SH3D19: variants seen among roughly 807,000 people sequenced by gnomAD.
SH3D19 encodes SH3 domain containing 19, also known as SH3 domain-containing protein 19.
SH3D19 carries 58 observed loss-of-function variants against 112.1 expected under a neutral mutation model. The observed-to-expected ratio is 0.52, with a 90% CI of 0.42 to 0.64. SH3D19 has a LOEUF of 0.64. Among genes scored for constraint, SH3D19 ranks in the 30% least tolerant of loss-of-function variants. The pLI is 0.00. For missense variants in SH3D19, 1,090 were observed against 1,263.4 expected (o/e 0.86, Z 2.08); for synonymous variants, 391 against 448.5 (o/e 0.87, Z 1.62).
chr4:151,255,007 C>T (rs1442088490), intron 1 of SH3D19, among the ~76,000 whole-genome samples: 1 of 151,402 alleles, frequency 6.6e-6, no homozygotes, highest in African/African-American at 2.4e-5. Flanking sequence ...GGGCTCCTCA[C>T]TTCCCAGTAG....
At chr4:151,220,761 A>G (rs1349718256) in intron 2 of SH3D19, among the ~76,000 whole-genome samples, 1 of 152,234 alleles carries the variant, frequency 6.6e-6, no homozygotes, top group African/African-American at 2.4e-5. Flanking sequence ...TTTATAATGT[A>G]CTTGAGTGTA....
In SH3D19 at chr4:151,177,186, T is replaced by C. The variant is rs1760081370; in HGVS notation, c.237-231A>G. On this transcript the variant is annotated intron_variant, in intron 4 of 19. Coordinates refer to ENST00000604030, the MANE Select transcript of SH3D19 (RefSeq NM_001378122.1). ...TGACTTTGGCCTCAAAAAGTTAGAG[T>C]TGGACCCTGGGCACACTTGGCTCTG... Among the ~76,000 whole-genome samples the C allele has an allele frequency of 3.9e-5, 6 of 152,164 alleles. No individual in the cohort carries two copies. The South Asian group carries it at 1.2e-3, about 32-fold the overall frequency.
At chr4:151,150,209 ATAT>A (rs1754716540) in intron 9 of SH3D19, among the ~76,000 whole-genome samples, 21 of 40,928 alleles carry the variant, frequency 5.1e-4, no homozygotes, top group African/African-American at 1.2e-3. Context: ...AAAAAAAAAT[ATAT>A]ATATATATAT....
chr4:151,308,049 G>A (rs555790464), intron 1 of SH3D19, among the ~76,000 whole-genome samples: 4 of 152,270 alleles, frequency 2.6e-5, no homozygotes, highest in South Asian at 2.1e-4. Context: ...GGGATTACAG[G>A]CACGGGCCAC....
chr4:151,311,826 T>C (rs1729489988), intron 1 of SH3D19, among the ~76,000 whole-genome samples: 1 of 151,930 alleles, frequency 6.6e-6, no homozygotes, highest in Admixed American at 6.6e-5. Context: ...GGCAACAGAG[T>C]GAGACCCTGT....
intron 2 of SH3D19, among the ~76,000 whole-genome samples, chr4:151,196,181 G>A (rs1278766000): frequency 6.6e-6 from 1 of 152,108 alleles, no homozygotes; most frequent in Admixed American, 6.6e-5. Flanking sequence ...TCAAAGGCAG[G>A]CCCATCAAGG....
intron 2 of SH3D19, among the ~76,000 whole-genome samples, chr4:151,219,836 C>A (rs1203124637): frequency 1.3e-5 from 2 of 152,150 alleles, no homozygotes; most frequent in Non-Finnish European, 2.9e-5. Flanking sequence ...CAGTCTTTTT[C>A]TTCATGGTTT....
intron 1 of SH3D19, among the ~76,000 whole-genome samples, chr4:151,245,182 T>C (rs1214336613): frequency 6.6e-6 from 1 of 150,968 alleles, no homozygotes; most frequent in Non-Finnish European, 1.5e-5. Flanking sequence ...TAATAATAAT[T>C]AAGTTGCTTA....
At chr4:151,295,851 C>G (rs1340825695) in intron 1 of SH3D19, among the ~76,000 whole-genome samples, 1 of 152,094 alleles carries the variant, frequency 6.6e-6, no homozygotes, top group Non-Finnish European at 1.5e-5. Context: ...TCCTGGCCAA[C>G]ATGGTGAAAC....
In SH3D19 at chr4:151,133,913, T is replaced by C. The variant is rs139030868; in HGVS notation, c.2487-677A>G. Among the ~76,000 whole-genome samples the C allele has an allele frequency of 2.1e-3, 313 of 152,278 alleles. 1 individual carries two copies. The highest frequency in any genetic ancestry group is 7.3e-3 in the African/African-American group (305 of 41,564). On this transcript the variant is annotated intron_variant, in intron 15 of 19. Coordinates refer to ENST00000604030, the MANE Select transcript of SH3D19 (RefSeq NM_001378122.1). ...AAATAAGATAAAAGCAGAGATAAAA[T>C]TGTGTCTCTAGAAGGTGTGCTTTAA...
At chr4:151,266,571 G>A (rs1580358889) in intron 1 of SH3D19, among the ~76,000 whole-genome samples, 2 of 152,178 alleles carry the variant, frequency 1.3e-5, no homozygotes, top group Admixed American at 6.5e-5. Context: ...CCCTTAGTGA[G>A]AATAAATATT....
chr4:151,282,677 A>G (rs1156734421), intron 1 of SH3D19, among the ~76,000 whole-genome samples: 1 of 152,228 alleles, frequency 6.6e-6, no homozygotes, highest in Non-Finnish European at 1.5e-5. Flanking sequence ...TCTCTCAAAC[A>G]GAGGTTAATA....
chr4:151,180,469 C>T (rs565770961), intron 3 of SH3D19, among the ~76,000 whole-genome samples: 4 of 142,412 alleles, frequency 2.8e-5, no homozygotes, highest in Admixed American at 7.3e-5. Flanking sequence ...TGCAGTGGCG[C>T]GATCTTGGCT....
intron 10 of SH3D19, 148 bp from the exon 11 acceptor site, chr4:151,148,334 C>A (rs1754310741): frequency 1.5e-5 from 12 of 822,656 alleles, no homozygotes. Flanking sequence ...CTGAAACATG[C>A]AGGGTATGCT....
chr4:151,214,322 C>T (rs905685564), intron 2 of SH3D19, among the ~76,000 whole-genome samples: 2 of 150,014 alleles, frequency 1.3e-5, no homozygotes, highest in Admixed American at 6.7e-5. Flanking sequence ...CCCACCTTTC[C>T]CCGCTTTCTA....
At chr4:151,226,573 C>G (rs1445627334) in intron 1 of SH3D19, 1 of 623,522 alleles carries the variant, frequency 1.6e-6, no homozygotes, top group African/African-American at 2.0e-5. Flanking sequence ...TATCTACCAC[C>G]CAGAACATTT....
intron 1 of SH3D19, among the ~76,000 whole-genome samples, chr4:151,241,494 T>C (rs1181002445): frequency 1.3e-5 from 2 of 149,896 alleles, no homozygotes; most frequent in Non-Finnish European, 1.5e-5. Context: ...GAAAATGTTC[T>C]AAAATTGATT....
chr4:151,170,178 A>G (rs1368029274), intron 7 of SH3D19, among the ~76,000 whole-genome samples: 4 of 152,218 alleles, frequency 2.6e-5, no homozygotes, highest in Non-Finnish European at 4.4e-5. Flanking sequence ...CTTTGTTCAC[A>G]TTGGTTACCG....
chr4:151,198,970 T>A (rs1241893492), intron 2 of SH3D19, among the ~76,000 whole-genome samples: 2 of 151,604 alleles, frequency 1.3e-5, no homozygotes, highest in African/African-American at 4.8e-5. Context: ...TATTCAACAA[T>A]TTCTCCATGA....
Sources: allele counts gnomAD v4.1 joint callset (sites outside exome capture counted in the v4.1 genomes callset), GRCh38; gene constraint gnomAD v4.1.1; transcripts MANE v1.5; gene names NCBI Gene and HGNC (gene_info 2026-07-23, HGNC 2026-07-21).